CPNE4: variants seen among roughly 807,000 people sequenced by gnomAD.
The protein encoded by CPNE4 is copine-4.
A neutral mutation model predicts 67.9 loss-of-function variants in CPNE4; 25 were observed. The observed-to-expected ratio is 0.37, with a 90% CI of 0.27 to 0.51. The LOEUF is 0.51. CPNE4 is among the 20% of genes least tolerant of loss of function. CPNE4 has a pLI of 0.93. For synonymous variants in CPNE4, 242 were observed against 244.9 expected (o/e 0.99, Z 0.11); for missense variants, 464 against 690.8 (o/e 0.67, Z 3.68).
intron 7 of CPNE4, among the ~76,000 whole-genome samples, chr3:131,640,940 G>A (rs985184015): frequency 5.3e-5 from 8 of 152,112 alleles, no homozygotes; most frequent in Non-Finnish European, 1.0e-4. Flanking sequence ...TCAACAAATG[G>A]TGCTGGGATA....
At chr3:131,621,852 C>CAAAA (rs57656411) in intron 7 of CPNE4, among the ~76,000 whole-genome samples, 2 of 142,160 alleles carry the variant, frequency 1.4e-5, no homozygotes, top group East Asian at 4.1e-4. Context: ...ACAAAAAATA[C>CAAAA]AAAAAAAAAA....
chr3:131,899,357 G>A (rs1457134237), intron 2 of CPNE4, among the ~76,000 whole-genome samples: 1 of 152,076 alleles, frequency 6.6e-6, no homozygotes, highest in East Asian at 1.9e-4. Context: ...AGATTTTCTG[G>A]TTGCTTGGAA....
intron 2 of CPNE4, among the ~76,000 whole-genome samples, chr3:131,875,640 A>G (rs2087413530): frequency 6.8e-6 from 1 of 146,714 alleles, no homozygotes; most frequent in Admixed American, 6.8e-5. Flanking sequence ...ATGTGAACAC[A>G]TGGACACAAG....
chr3:131,549,954 T>G lies in CPNE4; in HGVS notation c.1295A>C (p.Glu432Ala). ...KSASEETNTKEASQYFILLIL... is the reference protein window; with the variant it reads ...KSASEETNTKAASQYFILLIL... ...AAATAGCCCCCTCCTTACCGATGCC[T>G]CCTTGGTGTTAGTTTCCTCTGACGC... Residue 432 changes from glutamate to alanine, a missense_variant, in exon 14 of 16, where the codon GAG becomes GCG. Physicochemically the swap from Glu to Ala is moderately radical, Grantham distance 107 (BLOSUM62 -1). Around this residue, in one of 6 missense-constraint regions of CPNE4, gnomAD observed 201 missense variants for 357.7 expected, o/e 0.56. Coordinates refer to ENST00000429747, the MANE Select transcript of CPNE4 (RefSeq NM_130808.3). 6.2e-7 allele frequency: 1 copy of G among 1,613,026 alleles called. No individual in the cohort carries two copies. Among genetic ancestry groups the G allele is most frequent in the Non-Finnish European group, 8.5e-7 (1 of 1,179,310 alleles).
At chr3:131,890,648 T>C (rs1392360663) in intron 2 of CPNE4, among the ~76,000 whole-genome samples, 3 of 152,166 alleles carry the variant, frequency 2.0e-5, no homozygotes, top group African/African-American at 7.2e-5. Flanking sequence ...TGTATTCTCA[T>C]GTTCATTGCA....
intron 7 of CPNE4, among the ~76,000 whole-genome samples, chr3:131,636,414 G>A (rs1215770636): frequency 1.3e-5 from 2 of 152,094 alleles, no homozygotes; most frequent in African/African-American, 4.8e-5. Context: ...AGCAGAGGCA[G>A]CCATAATCCC....
intron 12 of CPNE4, among the ~76,000 whole-genome samples, chr3:131,553,111 G>T (rs78580834): frequency 1.8e-3 from 273 of 152,120 alleles, no homozygotes; most frequent in African/African-American, 6.4e-3. Context: ...TATGCACAAG[G>T]TCAAATAACA....
intron 3 of CPNE4, among the ~76,000 whole-genome samples, chr3:131,713,886 A>C (rs9823608): frequency 0.76 from 113,860 of 150,692 alleles, 43,236 homozygotes; most frequent in Non-Finnish European, 0.82. Flanking sequence ...ATGAGCAGAA[A>C]AGACAGCAGT....
chr3:131,632,913 C>A (rs1031340944), intron 7 of CPNE4, among the ~76,000 whole-genome samples: 8 of 152,314 alleles, frequency 5.3e-5, no homozygotes, highest in African/African-American at 1.7e-4. Flanking sequence ...GCCCCAAGCA[C>A]CCCAGTGGAG....
chr3:131,629,906 C>G (rs1162643022), intron 7 of CPNE4, among the ~76,000 whole-genome samples: 1 of 150,990 alleles, frequency 6.6e-6, no homozygotes, highest in Non-Finnish European at 1.5e-5. Flanking sequence ...CTCTCTCGTT[C>G]TCTCTCTCTC....
intron 2 of CPNE4, among the ~76,000 whole-genome samples, chr3:131,897,909 G>A (rs2088398665): frequency 6.6e-6 from 1 of 151,806 alleles, no homozygotes; most frequent in African/African-American, 2.4e-5. Flanking sequence ...GAAAAAAAAA[G>A]AGGATGGAAA....
At chr3:131,846,021 C>T (rs528169655) in intron 2 of CPNE4, among the ~76,000 whole-genome samples, 3 of 152,198 alleles carry the variant, frequency 2.0e-5, no homozygotes, top group South Asian at 4.1e-4. Flanking sequence ...CATTTAAAGC[C>T]TGATAGCATA....
chr3:132,015,358 G>A (rs1353992733), intron 1 of CPNE4, among the ~76,000 whole-genome samples: 1 of 152,086 alleles, frequency 6.6e-6, no homozygotes, highest in Non-Finnish European at 1.5e-5. Context: ...TTACCAGCAG[G>A]CATATCTTCC....
intron 1 of CPNE4, among the ~76,000 whole-genome samples, chr3:132,017,127 A>G (rs1184856612): frequency 6.6e-6 from 1 of 152,250 alleles, no homozygotes; most frequent in African/African-American, 2.4e-5. Context: ...AAAAGTAATC[A>G]AAATTCCACA....
intron 7 of CPNE4, among the ~76,000 whole-genome samples, chr3:131,635,899 G>A (rs893434632): frequency 1.1e-5 from 1 of 87,086 alleles, no homozygotes; most frequent in Non-Finnish European, 1.9e-5. Context: ...GGCTAAAACG[G>A]TGAAACCCCG....
intron 2 of CPNE4, among the ~76,000 whole-genome samples, chr3:131,877,369 A>G (rs1160608971): frequency 1.3e-5 from 2 of 152,182 alleles, no homozygotes; most frequent in East Asian, 3.9e-4. Flanking sequence ...AAAGGTAAGA[A>G]AGAATCTGGG....
At chr3:131,933,831 C>A in intron 1 of CPNE4, among the ~76,000 whole-genome samples, 1 of 150,170 alleles carries the variant, frequency 6.7e-6, no homozygotes, top group Non-Finnish European at 1.5e-5. Context: ...TATGTGAAAC[C>A]TGAGACAATC....
At chr3:131,813,855 C>T (rs558759596) in intron 2 of CPNE4, among the ~76,000 whole-genome samples, 1 of 152,262 alleles carries the variant, frequency 6.6e-6, no homozygotes, top group African/African-American at 2.4e-5. Context: ...TTATACCAGA[C>T]ATGATTTTGA....
At chr3:131,567,519 C>T (rs557071312) in intron 10 of CPNE4, among the ~76,000 whole-genome samples, 43 of 152,048 alleles carry the variant, frequency 2.8e-4, no homozygotes, top group South Asian at 1.2e-3. Flanking sequence ...TTGCAAAATC[C>T]GCAGAGTGAG....
Sources: allele counts gnomAD v4.1 joint callset (sites outside exome capture counted in the v4.1 genomes callset), GRCh38; gene constraint gnomAD v4.1.1; regional missense constraint gnomAD v4.1.1; transcripts MANE v1.5; gene names NCBI Gene and HGNC (gene_info 2026-07-23, HGNC 2026-07-21).